KCNIP4: variants seen among roughly 807,000 people sequenced by gnomAD.
The protein encoded by KCNIP4 is Kv channel-interacting protein 4.
KCNIP4 carries 12 observed loss-of-function variants against 34.0 expected under a neutral mutation model. The observed-to-expected ratio is 0.35, with a 90% CI of 0.23 to 0.57. The LOEUF (loss-of-function observed/expected upper bound fraction) is 0.57. Among genes scored for constraint, KCNIP4 ranks in the 20% least tolerant of loss-of-function variants. The probability of loss-of-function intolerance (pLI) is 0.83; values close to 1 mark genes in which losing one functional copy is unlikely to be tolerated. For missense variants in KCNIP4, 238 were observed against 311.7 expected (o/e 0.76, Z 1.78); for synonymous variants, 124 against 102.2 (o/e 1.21, Z -1.29).
chr4:20,890,699 A>C lies in KCNIP4; in HGVS notation c.62-7990T>G, dbSNP rs536425401. On this transcript the variant is annotated intron_variant, in intron 1 of 8. Coordinates refer to ENST00000382152, the MANE Select transcript of KCNIP4 (RefSeq NM_025221.6). ...AACTACTAGTATACTAGTACTTCAA[A>C]CACGATAAAATGAAGTAATACAAAA... Among the ~76,000 whole-genome samples, 15 of 152,308 alleles carry C rather than the reference A, an allele frequency of 9.8e-5. No individual in the cohort carries two copies. In the South Asian group the frequency reaches 3.1e-3, roughly 32 times the overall value.
At chr4:21,757,992 C>T (rs1717778436) in intron 1 of KCNIP4, among the ~76,000 whole-genome samples, 1 of 152,120 alleles carries the variant, frequency 6.6e-6, no homozygotes, top group Non-Finnish European at 1.5e-5. Flanking sequence ...TTATTTTTCA[C>T]ATCTGCAAAA....
chr4:21,203,722 T>C (rs1028629831), intron 1 of KCNIP4, among the ~76,000 whole-genome samples: 8 of 152,216 alleles, frequency 5.3e-5, no homozygotes, highest in Admixed American at 2.0e-4. Context: ...TTATATCAGA[T>C]ACTATGCCCA....
intron 1 of KCNIP4, among the ~76,000 whole-genome samples, chr4:20,934,135 A>G (rs1730791466): frequency 6.6e-6 from 1 of 152,208 alleles, no homozygotes; most frequent in Non-Finnish European, 1.5e-5. Flanking sequence ...ATTGATGTGA[A>G]CTTTTAAAGT....
chr4:21,843,836 CTCAG>C (rs1723842336), intron 1 of KCNIP4: 1 of 152,056 alleles, frequency 6.6e-6, no homozygotes, highest in South Asian at 2.1e-4. Flanking sequence ...TCTCAAACTC[CTCAG>C]TAAGTTTTAT....
intron 1 of KCNIP4, among the ~76,000 whole-genome samples, chr4:20,977,396 G>T (rs538189855): frequency 1.3e-5 from 2 of 151,948 alleles, no homozygotes; most frequent in African/African-American, 4.8e-5. Flanking sequence ...GACATTCCCC[G>T]TTTCTCTGCA....
At chr4:21,272,310 G>A (rs182209159) in intron 1 of KCNIP4, among the ~76,000 whole-genome samples, 4 of 151,872 alleles carry the variant, frequency 2.6e-5, no homozygotes, top group Admixed American at 2.0e-4. Context: ...CTATATTAGA[G>A]TTGGCTATTA....
In KCNIP4 at chr4:21,334,641, A is replaced by T. The variant is rs76215955; in HGVS notation, c.62-451932T>A. Among the ~76,000 whole-genome samples, 614 of 152,220 alleles carry T rather than the reference A, an allele frequency of 4.0e-3. 7 individuals carry two copies. The highest frequency in any genetic ancestry group is 0.014 in the African/African-American group (562 of 41,546). On this transcript the variant is annotated intron_variant, in intron 1 of 8. Transcript: ENST00000382152. ...ATCAGAATGTTTTCATTGCCTCAAA[A>T]AGATTCCTCATGCTTACTTACAGTA...
chr4:20,902,018 C>A (rs1195699786), intron 1 of KCNIP4, among the ~76,000 whole-genome samples: 1 of 152,092 alleles, frequency 6.6e-6, no homozygotes, highest in African/African-American at 2.4e-5. Context: ...TGCGGTGGTA[C>A]AAGGTCATGA....
intron 1 of KCNIP4, among the ~76,000 whole-genome samples, chr4:21,193,772 C>T (rs1486838831): frequency 1.3e-5 from 2 of 151,928 alleles, no homozygotes; most frequent in South Asian, 2.1e-4. Context: ...GGGGTTTCAC[C>T]ATGTTAGCCA....
chr4:21,947,479 T>C (rs530945771), intron 1 of KCNIP4, among the ~76,000 whole-genome samples: 1 of 152,214 alleles, frequency 6.6e-6, no homozygotes, highest in East Asian at 1.9e-4. Flanking sequence ...CCGGTTACGA[T>C]GACCTTAACT....
intron 1 of KCNIP4, among the ~76,000 whole-genome samples, chr4:21,507,548 C>T (rs1348648136): frequency 1.3e-5 from 2 of 152,152 alleles, no homozygotes; most frequent in Admixed American, 1.3e-4. Context: ...TGAGCCACTG[C>T]ACCAGGCCAG....
rs953146571 is a variant in KCNIP4 at position 20,850,857 on chromosome 4, T to C, written c.164-190A>G. On this transcript the variant is annotated intron_variant, in intron 2 of 8. Transcript: ENST00000382152. ...CGTATTAAGCTAAAACACTTGTATA[T>C]GATTTTTTTGCATATTCTTGTCATT... The C allele has an allele frequency of 2.8e-5, 14 of 492,032 alleles. No individual in the cohort carries two copies. The Admixed American group carries it at 4.5e-4, about 16-fold the overall frequency. 30.5% of individuals were successfully genotyped at this position (492,032 alleles called of 1,614,324 possible).
Position 20,735,394 on chromosome 4 carries a change from A to G in KCNIP4, c.430-659T>C, listed in dbSNP as rs7686310. 3.9e-3 allele frequency among the ~76,000 whole-genome samples: 597 copies of G among 152,332 alleles called. 5 individuals are homozygous for G. The highest frequency in any genetic ancestry group is 0.013 in the African/African-American group (525 of 41,578). On this transcript the variant is annotated intron_variant, in intron 5 of 8. Coordinates refer to ENST00000382152, the MANE Select transcript of KCNIP4 (RefSeq NM_025221.6). ...ATGAGGATTAAAAAAGAGGCTGCTTATAACAGTCCTTGGCAATGACATTGG... is the reference window on the plus strand; with the variant it reads ...ATGAGGATTAAAAAAGAGGCTGCTTGTAACAGTCCTTGGCAATGACATTGG...
At chr4:20,869,325 T>TC (rs1475979678) in intron 2 of KCNIP4, among the ~76,000 whole-genome samples, 1 of 151,950 alleles carries the variant, frequency 6.6e-6, no homozygotes, top group Admixed American at 6.6e-5. Context: ...TGGCCTTAAT[T>TC]CCCCCACATG....
intron 1 of KCNIP4, among the ~76,000 whole-genome samples, chr4:21,734,583 C>T (rs16871794): frequency 0.12 from 18,184 of 152,128 alleles, 3,706 homozygotes; most frequent in African/African-American, 0.41. Context: ...TTGACCAATA[C>T]TGTGCTGTGT....
chr4:21,751,227 A>C (rs982896569), intron 1 of KCNIP4, among the ~76,000 whole-genome samples: 2 of 152,204 alleles, frequency 1.3e-5, no homozygotes, highest in African/African-American at 4.8e-5. Context: ...GAGACTTGGA[A>C]AACATAACAG....
intron 1 of KCNIP4, among the ~76,000 whole-genome samples, chr4:21,705,756 C>T (rs1304768700): frequency 1.3e-5 from 2 of 152,152 alleles, no homozygotes; most frequent in Non-Finnish European, 2.9e-5. Flanking sequence ...GGAATGTGCA[C>T]ATAGGTGCTT....
At chr4:21,578,366 T>A in intron 1 of KCNIP4, among the ~76,000 whole-genome samples, 1 of 139,640 alleles carries the variant, frequency 7.2e-6, no homozygotes, top group African/African-American at 2.7e-5. Flanking sequence ...AAAGAGTTCA[T>A]GCTAGCTAAA....
At chr4:20,997,507 A>G (rs994842221) in intron 1 of KCNIP4, among the ~76,000 whole-genome samples, 1 of 152,152 alleles carries the variant, frequency 6.6e-6, no homozygotes, top group Non-Finnish European at 1.5e-5. Context: ...ATTAAAAGGT[A>G]TTGTAGGGAA....
Sources: gnomAD v4.1 joint callset for allele counts (sites outside exome capture counted in the v4.1 genomes callset) on GRCh38, gnomAD v4.1.1 for gene constraint, MANE v1.5 for transcripts, NCBI Gene and HGNC (gene_info 2026-07-23, HGNC 2026-07-21) for gene names.